CLSTN3: variants seen among roughly 807,000 people sequenced by gnomAD.
The protein encoded by CLSTN3 is calsyntenin-3.
CLSTN3 carries 36 observed loss-of-function variants against 95.9 expected under a neutral mutation model. That is an observed-to-expected ratio of 0.38 (90% CI 0.29 to 0.50). CLSTN3 has a LOEUF of 0.50. CLSTN3 is among the 20% of genes least tolerant of loss of function. CLSTN3 has a pLI of 0.95. For synonymous variants in CLSTN3, 481 were observed against 504.0 expected, an observed-to-expected ratio of 0.95 and a Z score of 0.61; for missense variants, 1,084 against 1,268.8, an observed-to-expected ratio of 0.85 and a Z score of 2.21.
Position 7,157,589 on chromosome 12 carries a change from C to T in CLSTN3, c.2628C>T (p.Arg876=), listed in dbSNP as rs146277142. Reference sequence around the variant, plus strand: ...TGCGCATCCATTCCCTTCACCGCCGCGTCTCAGGGGCCGGCGGGCCTCCAG... The same window carrying T: ...TGCGCATCCATTCCCTTCACCGCCGTGTCTCAGGGGCCGGCGGGCCTCCAG... ...GLVRIHSLHR[R]VSGAGGPPGA... The change falls in exon 17 of 18, where the codon CGC becomes CGT. Residue 876 remains arginine, a synonymous_variant. Transcript: ENST00000266546. The surrounding 1 kb of genome is among the most constrained non-coding windows in gnomAD (Gnocchi z 5.9). 5,599 of 1,613,440 alleles carry T rather than the reference C, an allele frequency of 3.5e-3. 18 individuals carry two copies. The highest frequency in any genetic ancestry group is 4.4e-3 in the Non-Finnish European group (5,176 of 1,179,748).
Position 7,141,253 on chromosome 12 carries a change from T to C in CLSTN3, c.1335T>C (p.Asp445=), listed in dbSNP as rs749987986. 3.7e-6 allele frequency: 6 copies of C among 1,614,036 alleles called. No individual in the cohort carries two copies. The highest frequency in any genetic ancestry group is 1.1e-5 in the South Asian group (1 of 91,076). ...CCCTACTCTCCCAGGTCTGTGATGA[T>C]GAGTGGCACCACTACGCTCTGAACC... The part of the protein sequence containing the change: ...FLWKLEQVCD[D]EWHHYALNLE... Residue 445 remains aspartate (D), a synonymous_variant, in exon 9 of 18, where the codon GAT becomes GAC. Transcript: ENST00000266546. The surrounding 1 kb of genome is among the most constrained non-coding windows in gnomAD (Gnocchi z 4.1).
intron 16 of CLSTN3, among the ~76,000 whole-genome samples, chr12:7,154,880 C>T (rs925623243): frequency 6.6e-6 from 1 of 152,220 alleles, no homozygotes; most frequent in African/African-American, 2.4e-5. Context: ...CAGCTCATAA[C>T]ATGCGTACTA....
In CLSTN3 at chr12:7,133,174, A is replaced by G. The variant is rs939704859; in HGVS notation, c.187+28A>G. 8 of 1,358,840 alleles carry G rather than the reference A, an allele frequency of 5.9e-6. No individual in the cohort carries two copies. The African/African-American group carries it at 1.2e-4, about 20-fold the overall frequency. The allele number at this position is 1,358,840 out of a possible 1,614,324, so 84.2% of individuals were successfully genotyped here. A position where few individuals can be genotyped will look rare whatever the true frequency, so the allele number is the denominator to read the frequency against. On this transcript the variant is annotated intron_variant, in intron 2 of 17. Transcript: ENST00000266546. The surrounding 1 kb of genome is among the most constrained non-coding windows in gnomAD (Gnocchi z 4.7). ...AATTGGGATTGGGGGATGGCAAGGC[A>G]GGGTAGGACAGAGAAAAGTGGGTGG...
At chr12:7,151,649 C>A (rs376498864) in intron 16 of CLSTN3, among the ~76,000 whole-genome samples, 1 of 152,172 alleles carries the variant, frequency 6.6e-6, no homozygotes, top group Non-Finnish European at 1.5e-5. Flanking sequence ...GCAACCTGGC[C>A]GTGGTCCCAA....
At position 7,135,344 on chromosome 12, in the gene CLSTN3, G is replaced by A. The variant is rs751700027; in HGVS notation, c.401G>A (p.Arg134Gln). ...ATATGCAGGGCCACTGTGCATGTGCGGGTCAACGATGTGAACGAGTTTGCC... is the reference window on the plus strand; with the variant it reads ...ATATGCAGGGCCACTGTGCATGTGCAGGTCAACGATGTGAACGAGTTTGCC... ...KKSHKATVHV[R>Q]VNDVNEFAPV... The change falls in exon 4 of 18, where the codon CGG becomes CAG. Residue 134 changes from arginine to glutamine, a missense_variant. Transcript: ENST00000266546. The A allele has an allele frequency of 1.1e-5, 17 of 1,613,944 alleles. No individual in the cohort carries two copies. The highest frequency in any genetic ancestry group is 4.5e-5 in the East Asian group (2 of 44,894).
At chr12:7,134,568 C>T (rs957750914) in intron 3 of CLSTN3, among the ~76,000 whole-genome samples, 87 of 152,350 alleles carry the variant, frequency 5.7e-4, no homozygotes, top group African/African-American at 2.0e-3. Flanking sequence ...CTGCTTGCCC[C>T]GGTGCATGAC....
At chr12:7,156,498 G>A (rs764847775) in intron 16 of CLSTN3, 8 of 456,760 alleles carry the variant, frequency 1.8e-5, no homozygotes, top group South Asian at 3.1e-5. Flanking sequence ...TGGCTCTACC[G>A]TGCCTTGCTG....
intron 12 of CLSTN3, among the ~76,000 whole-genome samples, chr12:7,146,491 T>C (rs1939623731): frequency 6.6e-6 from 1 of 152,164 alleles, no homozygotes; most frequent in Admixed American, 6.5e-5. Context: ...CTGCCTCATG[T>C]TCCTCTACTC....
intron 12 of CLSTN3, among the ~76,000 whole-genome samples, chr12:7,144,355 A>T (rs1237874603): frequency 6.6e-6 from 1 of 152,224 alleles, no homozygotes; most frequent in Non-Finnish European, 1.5e-5. Flanking sequence ...ATGTTTAAAA[A>T]TACAGATCAA....
At chr12:7,135,702 C>G (rs1021464370) in intron 4 of CLSTN3, 102 bp from the exon 5 acceptor site, 1 of 1,439,938 alleles carries the variant, frequency 6.9e-7, no homozygotes, top group African/African-American at 1.4e-5. Context: ...CAGCGTCCTG[C>G]TGCCTAACCT....
intron 3 of CLSTN3, among the ~76,000 whole-genome samples, chr12:7,134,666 C>T (rs752690550): frequency 6.6e-6 from 1 of 152,222 alleles, no homozygotes; most frequent in Non-Finnish European, 1.5e-5. Flanking sequence ...GTACACATGC[C>T]ATTTCCCTTC....
chr12:7,144,232 C>CAATAA, intron 12 of CLSTN3, among the ~76,000 whole-genome samples: 1 of 69,700 alleles, frequency 1.4e-5, no homozygotes, highest in Non-Finnish European at 2.7e-5. Flanking sequence ...GACTCCATCT[C>CAATAA]AAAAAAAAAA....
chr12:7,156,983 G>T (rs989178807), intron 16 of CLSTN3: 42 of 365,928 alleles, frequency 1.1e-4, no homozygotes, highest in African/African-American at 8.9e-4. Context: ...CCAGCCTCAG[G>T]TGCTAGTGCC....
In CLSTN3 at chr12:7,135,812, G is replaced by T; in HGVS notation, c.601G>T (p.Glu201Ter). 6.2e-7 allele frequency: 1 copy of T among 1,606,954 alleles called. No homozygotes were observed. The highest frequency in any genetic ancestry group is 8.5e-7 in the Non-Finnish European group (1 of 1,176,302). Residue 201 changes from glutamate to a stop codon, truncating the protein, a stop_gained, in exon 5 of 18, where the codon GAG (glutamate) becomes TAG (stop). Transcript: ENST00000266546. LOFTEE classifies it high-confidence loss of function. ...TCCTGACCCCACCCCAGGGAACATT[G>T]AGAACACAGAGAAGCTGCAGTACAG... ...PFLIDNDGNI[E>*]NTEKLQYSGE...
In CLSTN3 at chr12:7,137,797, A is replaced by T. The variant is rs59589357; in HGVS notation, c.1211-158A>T. Among the ~76,000 whole-genome samples, 4,255 of 44,114 alleles carry T rather than the reference A, an allele frequency of 0.096. 76 individuals are homozygous for T. Among genetic ancestry groups the T allele is most frequent in the South Asian group, 0.16 (167 of 1,024 alleles). 28.9% of individuals were successfully genotyped at this position (44,114 alleles called of 152,430 possible). A position where few individuals can be genotyped will look rare whatever the true frequency, so the allele number is the denominator to read the frequency against. On this transcript the variant is annotated intron_variant, in intron 7 of 17. Transcript: ENST00000266546. The surrounding 1 kb of genome is among the most constrained non-coding windows in gnomAD (Gnocchi z 4.4). ...GTGTGTGTGTGTGTGTGTGTGTGTG[A>T]GAGAGAGAGAGAGAGAGAGAGAGAG...
In CLSTN3 at chr12:7,137,571, C is replaced by A. The variant is rs375188400; in HGVS notation, c.1211-384C>A. ...TTAGTCTTGACCTGCTCTTTCATTT[C>A]TAGCCAATTCTCCAACCTCATTTCT... On this transcript the variant is annotated intron_variant, in intron 7 of 17. Transcript: ENST00000266546. This position sits in a 1 kb window ranked among gnomAD's most constrained non-coding sequence, Gnocchi z 4.4. 5.3e-5 allele frequency among the ~76,000 whole-genome samples: 8 copies of A among 152,338 alleles called. No individual in the cohort carries two copies. Among genetic ancestry groups the A allele is most frequent in the African/African-American group, 1.9e-4 (8 of 41,584 alleles).
chr12:7,136,854 G>A lies in CLSTN3; in HGVS notation c.954G>A (p.Leu318=), dbSNP rs927171605. 6.2e-7 allele frequency: 1 copy of A among 1,614,008 alleles called. No homozygotes were observed. Among genetic ancestry groups the A allele is most frequent in the African/African-American group, 1.3e-5 (1 of 74,906 alleles). ...LCGAATGEVD[L]LPMPGPNANW... is the part of the protein sequence containing the mutation. ...GTGCTGCCACTGGGGAGGTGGATCT[G>A]TTGCCCATGCCTGGCCCCAATGCCA... Residue 318 remains leucine, a synonymous_variant, in exon 7 of 18, where the codon CTG becomes CTA. Coordinates refer to ENST00000266546, the MANE Select transcript of CLSTN3 (RefSeq NM_014718.4).
rs1320399741 is a variant in CLSTN3 at position 7,137,202 on chromosome 12, CT to C, written c.1210+94del. 7.8e-7 allele frequency: 1 copy of C among 1,289,388 alleles called. No individual in the cohort carries two copies. The highest frequency in any genetic ancestry group is 2.4e-5 in the East Asian group (1 of 40,906). 79.9% of individuals were successfully genotyped at this position (1,289,388 alleles called of 1,614,324 possible). On this transcript the variant is annotated intron_variant, in intron 7 of 17. Coordinates refer to ENST00000266546, the MANE Select transcript of CLSTN3 (RefSeq NM_014718.4). The surrounding 1 kb of genome is among the most constrained non-coding windows in gnomAD (Gnocchi z 4.4). ...CCAGTGTGTGACTGTGAACAGGTCA[CT>C]TCCCCTCTCTTCATTTGTGAGGTGC...
At chr12:7,130,303 T>TGCCCCC, upstream of CLSTN3, 6 of 778,306 alleles carry the variant, frequency 7.7e-6, no homozygotes, top group South Asian at 2.6e-5. Flanking sequence ...CAGCACCTGG[T>TGCCCCC]CCCCCCCCCT....
Sources: allele counts gnomAD v4.1 joint callset (sites outside exome capture counted in the v4.1 genomes callset), GRCh38; gene constraint gnomAD v4.1.1; non-coding constraint Gnocchi (gnomAD v3.1); transcripts MANE v1.5; gene names NCBI Gene and HGNC (gene_info 2026-07-23, HGNC 2026-07-21).